Variants in PCNX2 observed in about 807,000 individuals in gnomAD.
PCNX2 encodes pecanex-like protein 2.
A neutral mutation model predicts 223.8 loss-of-function variants in PCNX2; 168 were observed. The observed-to-expected ratio is 0.75, with a 90% CI of 0.66 to 0.85. The LOEUF (loss-of-function observed/expected upper bound fraction) is 0.85. PCNX2 is among the 40% of genes least tolerant of loss of function. The pLI, the probability that PCNX2 is intolerant of heterozygous loss-of-function variation, is 0.00. For synonymous variants in PCNX2, 1,006 were observed against 1,052.6 expected, an observed-to-expected ratio of 0.96 and a Z score of 0.86; for missense variants, 2,507 against 2,675.5, an observed-to-expected ratio of 0.94 and a Z score of 1.39.
intron 23 of PCNX2, among the ~76,000 whole-genome samples, chr1:233,072,429 T>A (rs963844347): frequency 6.6e-6 from 1 of 152,136 alleles, no homozygotes; most frequent in Non-Finnish European, 1.5e-5. Flanking sequence ...TTTTGTCAGG[T>A]TGTAGGTGTG....
chr1:233,303,045 A>T, the PCNX2 span, among the ~76,000 whole-genome samples: 70 of 152,234 alleles, frequency 4.6e-4, no homozygotes, highest in African/African-American at 1.6e-3. Flanking sequence ...ATCCTTACAG[A>T]CTTTTTGTCT....
intron 3 of PCNX2, among the ~76,000 whole-genome samples, chr1:233,261,763 C>T (rs1325917309): frequency 1.3e-5 from 2 of 152,188 alleles, no homozygotes; most frequent in East Asian, 3.9e-4. Context: ...GAAGCAAAGG[C>T]CTACATATTG....
At chr1:233,291,167 C>CAGTCATCTATAGTCAG in intron 1 of PCNX2, 1 of 890,102 alleles carries the variant, frequency 1.1e-6, no homozygotes, top group Non-Finnish European at 1.3e-6. Flanking sequence ...GATTTTACCA[C>CAGTCATCTATAGTCAG]TGACTATAGA....
At chr1:233,230,241 T>G (rs986640090) in intron 9 of PCNX2, among the ~76,000 whole-genome samples, 9 of 151,860 alleles carry the variant, frequency 5.9e-5, no homozygotes, top group Non-Finnish European at 8.8e-5. Flanking sequence ...CACGAGAGAG[T>G]GTAGGACTGA....
At chr1:233,267,308 C>T (rs556897637) in intron 1 of PCNX2, among the ~76,000 whole-genome samples, 2 of 152,044 alleles carry the variant, frequency 1.3e-5, no homozygotes, top group East Asian at 3.9e-4. Flanking sequence ...GCGACAAGAG[C>T]GAAACTCCAT....
At chr1:233,305,577 C>T in the PCNX2 span, among the ~76,000 whole-genome samples, 1 of 152,120 alleles carries the variant, frequency 6.6e-6, no homozygotes. Flanking sequence ...TCCCAAATAG[C>T]TGAGACTACA....
chr1:233,259,035 C>G lies in PCNX2; in HGVS notation c.827G>C (p.Trp276Ser), dbSNP rs185910231. The G allele has an allele frequency of 1.9e-6, 3 of 1,613,972 alleles. No individual in the cohort carries two copies. The highest frequency in any genetic ancestry group is 2.2e-5 in the South Asian group (2 of 91,074). ...LLETDVSFQP[W>S]GSENSVLIPE... ...AATCAGGACTGAATTCTCACTCCCC[C>G]ACGGCTGGAAAGAAACGTCTGTTTC... Residue 276 changes from tryptophan (W) to serine (S), a missense_variant, in exon 5 of 34, where the codon TGG becomes TCG. Physicochemically the swap from Trp to Ser is radical, Grantham distance 177. Around this residue, in one of 3 missense-constraint regions of PCNX2, gnomAD observed 1,031 missense variants for 1,021.7 expected, o/e 1.01. Transcript: ENST00000258229.
chr1:233,289,410 C>A, intron 1 of PCNX2: 1 of 1,418,934 alleles, frequency 7.0e-7, no homozygotes, highest in Non-Finnish European at 1.0e-6. Flanking sequence ...CGGCTTCTCG[C>A]CATTAGGCTT....
intron 21 of PCNX2, among the ~76,000 whole-genome samples, chr1:233,103,081 A>G (rs1181484604): frequency 6.6e-6 from 1 of 152,102 alleles, no homozygotes; most frequent in Non-Finnish European, 1.5e-5. Context: ...TAGATGTTTC[A>G]TCCCTCTGAA....
At chr1:233,325,961 C>CT in the PCNX2 span, among the ~76,000 whole-genome samples, 1 of 152,152 alleles carries the variant, frequency 6.6e-6, no homozygotes, top group Non-Finnish European at 1.5e-5. Context: ...TCATAGTTGC[C>CT]TTAAGAATTT....
At chr1:233,220,065 T>C (rs1250781481) in intron 10 of PCNX2, among the ~76,000 whole-genome samples, 1 of 152,204 alleles carries the variant, frequency 6.6e-6, no homozygotes, top group Non-Finnish European at 1.5e-5. Context: ...GGCTCCTTTC[T>C]TTAAGTACTA....
intron 12 of PCNX2, among the ~76,000 whole-genome samples, chr1:233,216,244 G>A (rs187728721): frequency 7.2e-5 from 11 of 152,256 alleles, no homozygotes; most frequent in African/African-American, 2.4e-4. Flanking sequence ...CACCCACCCC[G>A]TAGGCCACCA....
intron 21 of PCNX2, among the ~76,000 whole-genome samples, chr1:233,130,432 G>A (rs1297121444): frequency 6.6e-5 from 10 of 151,334 alleles, no homozygotes; most frequent in African/African-American, 2.2e-4. Context: ...GTGGGTTCCA[G>A]CCTTGGAACT....
intron 23 of PCNX2, among the ~76,000 whole-genome samples, chr1:233,077,133 C>CCAGT (rs1673128395): frequency 6.6e-6 from 1 of 152,098 alleles, no homozygotes; most frequent in Non-Finnish European, 1.5e-5. Flanking sequence ...TTGTAACAGA[C>CCAGT]CAGTCACCCA....
At chr1:233,102,618 T>G (rs1203066108) in intron 21 of PCNX2, among the ~76,000 whole-genome samples, 2 of 152,204 alleles carry the variant, frequency 1.3e-5, no homozygotes, top group Non-Finnish European at 2.9e-5. Context: ...TGATTAGTGA[T>G]GTAGAGCACT....
At chr1:233,062,449 C>G (rs957904631) in intron 23 of PCNX2, among the ~76,000 whole-genome samples, 1 of 151,950 alleles carries the variant, frequency 6.6e-6, no homozygotes, top group Non-Finnish European at 1.5e-5. Flanking sequence ...TTCTTTTTTT[C>G]CATATAAGTT....
chr1:233,306,215 G>A, the PCNX2 span, among the ~76,000 whole-genome samples: 1 of 152,276 alleles, frequency 6.6e-6, no homozygotes, highest in Admixed American at 6.5e-5. Context: ...AGATAAAATA[G>A]TTATAAACCT....
chr1:233,224,586 A>G (rs770103219), intron 10 of PCNX2, among the ~76,000 whole-genome samples: 25 of 152,058 alleles, frequency 1.6e-4, no homozygotes, highest in East Asian at 5.8e-4. Context: ...AGCTTCCCCA[A>G]TGATTCCGAC....
At chr1:233,072,977 T>C (rs1391321598) in intron 23 of PCNX2, among the ~76,000 whole-genome samples, 1 of 152,228 alleles carries the variant, frequency 6.6e-6, no homozygotes, top group Non-Finnish European at 1.5e-5. Flanking sequence ...TTCAACATTT[T>C]ATACAATTCA....
Sources: allele counts gnomAD v4.1 joint callset (sites outside exome capture counted in the v4.1 genomes callset), GRCh38; gene constraint gnomAD v4.1.1; regional missense constraint gnomAD v4.1.1; transcripts MANE v1.5; gene names NCBI Gene and HGNC (gene_info 2026-07-23, HGNC 2026-07-21).